The following MIPOL1 variants were observed in gnomAD, a reference collection of about 807,000 sequenced individuals.
MIPOL1 encodes mirror-image polydactyly gene 1 protein.
In MIPOL1, 57 loss-of-function variants were observed where a neutral mutation model predicts 60.9. The ratio of observed to expected loss-of-function variants is 0.94; its 90% confidence interval spans 0.76 to 1.17. The LOEUF is 1.17. MIPOL1 is among the 50% of genes most tolerant of loss of function. The pLI is 0.00. For missense variants in MIPOL1, 551 were observed against 511.6 expected, an observed-to-expected ratio of 1.08 and a Z score of -0.74; for synonymous variants, 179 against 168.8, an observed-to-expected ratio of 1.06 and a Z score of -0.47.
intron 11 of MIPOL1, among the ~76,000 whole-genome samples, chr14:37,468,166 G>A (rs1185415992): frequency 3.1e-5 from 4 of 130,960 alleles, no homozygotes; most frequent in East Asian, 2.0e-4. Context: ...TTACATATAC[G>A]TGTGTGTGTG....
chr14:37,475,630 T>C (rs1023899000), intron 11 of MIPOL1, among the ~76,000 whole-genome samples: 1 of 152,214 alleles, frequency 6.6e-6, no homozygotes, highest in African/African-American at 2.4e-5. Context: ...AGATTCATTT[T>C]TTCATGTGGA....
chr14:37,516,417 T>A (rs1468902034), intron 12 of MIPOL1, among the ~76,000 whole-genome samples: 1 of 152,236 alleles, frequency 6.6e-6, no homozygotes, highest in African/African-American at 2.4e-5. Context: ...TTCTTCTGAT[T>A]TGAGGACTCT....
chr14:37,497,223 CAT>C (rs1366725339), intron 11 of MIPOL1, among the ~76,000 whole-genome samples: 1 of 152,170 alleles, frequency 6.6e-6, no homozygotes, highest in East Asian at 1.9e-4. Flanking sequence ...CCATTCAGGA[CAT>C]AGGCATGGGC....
At chr14:37,217,552 A>C (rs1594520718) in intron 1 of MIPOL1, among the ~76,000 whole-genome samples, 1 of 152,228 alleles carries the variant, frequency 6.6e-6, no homozygotes, top group African/African-American at 2.4e-5. Context: ...ATTATGACCA[A>C]GTGGGATTTT....
chr14:37,524,954 A>G (rs1403119014), intron 12 of MIPOL1, among the ~76,000 whole-genome samples: 1 of 152,158 alleles, frequency 6.6e-6, no homozygotes, highest in Non-Finnish European at 1.5e-5. Context: ...GAGCATGATT[A>G]TTATCACAAT....
chr14:37,234,331 G>T (rs1274806865), intron 1 of MIPOL1, among the ~76,000 whole-genome samples: 2 of 150,240 alleles, frequency 1.3e-5, no homozygotes, highest in African/African-American at 2.5e-5. Flanking sequence ...ATATTGTCTG[G>T]TCCCTTCTTT....
chr14:37,329,845 T>A (rs988943404), intron 9 of MIPOL1, among the ~76,000 whole-genome samples: 3 of 152,186 alleles, frequency 2.0e-5, no homozygotes, highest in African/African-American at 4.8e-5. Flanking sequence ...GTTATACTGT[T>A]GTTTGTTTAT....
intron 9 of MIPOL1, among the ~76,000 whole-genome samples, chr14:37,323,649 T>G (rs569493554): frequency 1.6e-4 from 25 of 152,038 alleles, no homozygotes; most frequent in Non-Finnish European, 2.9e-4. Context: ...TACATAAATA[T>G]TAAACTGGCA....
chr14:37,471,810 T>C (rs562199114), intron 11 of MIPOL1, among the ~76,000 whole-genome samples: 1 of 152,282 alleles, frequency 6.6e-6, no homozygotes, highest in African/African-American at 2.4e-5. Context: ...TCCTTCAAAT[T>C]AATACCTACT....
chr14:37,249,908 T>C (rs1973819443), intron 3 of MIPOL1, among the ~76,000 whole-genome samples: 3 of 152,166 alleles, frequency 2.0e-5, no homozygotes, highest in African/African-American at 7.2e-5. Flanking sequence ...ATATTAAAAT[T>C]AGAGACCAAA....
intron 10 of MIPOL1, among the ~76,000 whole-genome samples, chr14:37,408,547 T>C (rs1310178373): frequency 6.6e-6 from 1 of 152,204 alleles, no homozygotes; most frequent in East Asian, 1.9e-4. Context: ...GCAGGATCGT[T>C]GAGCCCCAGT....
At chr14:37,493,475 TC>T (rs1265311970) in intron 11 of MIPOL1, among the ~76,000 whole-genome samples, 2 of 152,022 alleles carry the variant, frequency 1.3e-5, no homozygotes, top group Non-Finnish European at 2.9e-5. Flanking sequence ...AGACAGGAAA[TC>T]TATTACATGG....
chr14:37,244,240 C>G (rs1023289240), intron 1 of MIPOL1, among the ~76,000 whole-genome samples: 1 of 150,578 alleles, frequency 6.6e-6, no homozygotes. Context: ...CTGCCTCAGC[C>G]TCCCGAGTAG....
intron 8 of MIPOL1, 27 bp from the exon 9 acceptor site, chr14:37,308,322 C>A: frequency 6.8e-7 from 1 of 1,480,606 alleles, no homozygotes; most frequent in Non-Finnish European, 9.0e-7. Flanking sequence ...AACTTCATGT[C>A]TGACTAACAT....
chr14:37,321,663 A>G (rs1043794704), intron 9 of MIPOL1, among the ~76,000 whole-genome samples: 12 of 152,046 alleles, frequency 7.9e-5, no homozygotes, highest in African/African-American at 2.7e-4. Context: ...TCAGTTATCA[A>G]GAGAGATGTT....
At chr14:37,337,357 T>TATATATATATA (rs1491162679) in intron 9 of MIPOL1, among the ~76,000 whole-genome samples, 1 of 29,862 alleles carries the variant, frequency 3.3e-5, no homozygotes, top group African/African-American at 2.0e-4. Flanking sequence ...TATATATATA[T>TATATATATATA]TTTTTTTTTT....
At chr14:37,470,369 A>G (rs2094666024) in intron 11 of MIPOL1, among the ~76,000 whole-genome samples, 1 of 152,054 alleles carries the variant, frequency 6.6e-6, no homozygotes, top group African/African-American at 2.4e-5. Flanking sequence ...CGTGATCCCC[A>G]GTGTTACGGG....
intron 11 of MIPOL1, among the ~76,000 whole-genome samples, chr14:37,490,891 A>G (rs1325408148): frequency 6.6e-6 from 1 of 152,036 alleles, no homozygotes; most frequent in Non-Finnish European, 1.5e-5. Flanking sequence ...AGCTGTTCCT[A>G]TTTGGCCATC....
At chr14:37,290,735 A>G (rs1365969487) in intron 7 of MIPOL1, among the ~76,000 whole-genome samples, 2 of 152,198 alleles carry the variant, frequency 1.3e-5, no homozygotes, top group African/African-American at 4.8e-5. Flanking sequence ...TTTTAAGTTC[A>G]GGGGTACATT....
Sources: gnomAD v4.1 joint callset for allele counts (sites outside exome capture counted in the v4.1 genomes callset) on GRCh38, gnomAD v4.1.1 for gene constraint, MANE v1.5 for transcripts, NCBI Gene and HGNC (gene_info 2026-07-23, HGNC 2026-07-21) for gene names.